GPC5: variants seen among roughly 807,000 people sequenced by gnomAD.
GPC5 encodes glypican-5.
In GPC5, 47 loss-of-function variants were observed where a neutral mutation model predicts 53.9. The ratio of observed to expected loss-of-function variants is 0.87; its 90% confidence interval spans 0.69 to 1.11. The LOEUF (loss-of-function observed/expected upper bound fraction) is 1.11. Among genes scored for constraint, GPC5 ranks in the 50% most tolerant of loss-of-function variants. GPC5 has a pLI of 0.00. For synonymous variants in GPC5, 286 were observed against 263.3 expected, an observed-to-expected ratio of 1.09 and a Z score of -0.84; for missense variants, 748 against 713.1, an observed-to-expected ratio of 1.05 and a Z score of -0.56.
intron 6 of GPC5, among the ~76,000 whole-genome samples, chr13:91,999,975 G>A (rs1388497702): frequency 6.6e-6 from 1 of 152,074 alleles, no homozygotes; most frequent in Non-Finnish European, 1.5e-5. Flanking sequence ...AGTTATTTTT[G>A]CTGAATTGAA....
chr13:91,476,435 T>C (rs1029661191), intron 2 of GPC5, among the ~76,000 whole-genome samples: 3 of 152,192 alleles, frequency 2.0e-5, no homozygotes, highest in African/African-American at 7.2e-5. Context: ...ATATCCTTCT[T>C]ACATGTGGTT....
chr13:92,524,693 T>G lies in GPC5; in HGVS notation c.1562-341589T>G, dbSNP rs140454279. On this transcript the variant is annotated intron_variant, in intron 7 of 7. Transcript: ENST00000377067. ...ATATCAGAAAAGCCAGACAGAAAGTTGTATATTGATTATTGTAGATTATCC... is the reference window on the plus strand; with the variant it reads ...ATATCAGAAAAGCCAGACAGAAAGTGGTATATTGATTATTGTAGATTATCC... Among the ~76,000 whole-genome samples the G allele has an allele frequency of 4.0e-3, 607 of 152,256 alleles. 7 individuals are homozygous for G. Among genetic ancestry groups the G allele is most frequent in the African/African-American group, 0.014 (591 of 41,574 alleles).
chr13:92,174,368 A>C (rs747126126), intron 7 of GPC5, among the ~76,000 whole-genome samples: 13,256 of 149,574 alleles, frequency 0.089, 1,356 homozygotes, highest in African/African-American at 0.24. Flanking sequence ...AAAAACACAA[A>C]AAAAAAAACA....
intron 2 of GPC5, among the ~76,000 whole-genome samples, chr13:91,572,545 G>A (rs563972303): frequency 1.3e-5 from 2 of 152,014 alleles, no homozygotes; most frequent in African/African-American, 4.8e-5. Flanking sequence ...GAGAGAGAGT[G>A]AGCAAGAGAG....
intron 2 of GPC5, among the ~76,000 whole-genome samples, chr13:91,482,346 TAC>T (rs1883350593): frequency 6.6e-6 from 1 of 152,156 alleles, no homozygotes; most frequent in South Asian, 2.1e-4. Context: ...GGCACCAACC[TAC>T]CAGTGCCTTG....
chr13:92,664,118 TTA>T (rs769200058), intron 7 of GPC5, among the ~76,000 whole-genome samples: 21 of 151,782 alleles, frequency 1.4e-4, no homozygotes, highest in Non-Finnish European at 2.9e-4. Context: ...ATGCCTTCAA[TTA>T]TAGAGTTGTA....
At chr13:92,121,069 C>T (rs1421524308) in intron 6 of GPC5, among the ~76,000 whole-genome samples, 2 of 152,224 alleles carry the variant, frequency 1.3e-5, no homozygotes, top group African/African-American at 2.4e-5. Context: ...CCCTCTCCTT[C>T]AACCACATAC....
At chr13:92,618,906 G>A (rs759270398) in intron 7 of GPC5, among the ~76,000 whole-genome samples, 5 of 151,836 alleles carry the variant, frequency 3.3e-5, no homozygotes, top group Non-Finnish European at 5.9e-5. Context: ...TAAAACAATT[G>A]AAGAATTTAT....
intron 6 of GPC5, among the ~76,000 whole-genome samples, chr13:92,089,724 TTAAC>T (rs1173047262): frequency 1.3e-5 from 2 of 152,164 alleles, no homozygotes; most frequent in South Asian, 2.1e-4. Flanking sequence ...AATTATTACT[TTAAC>T]TATTTAAGAT....
At chr13:92,825,060 A>T (rs1877799060) in intron 7 of GPC5, among the ~76,000 whole-genome samples, 1 of 151,434 alleles carries the variant, frequency 6.6e-6, no homozygotes, top group African/African-American at 2.4e-5. Flanking sequence ...TACTTGGGAC[A>T]CTAAAAAGTC....
chr13:92,273,810 T>C (rs1032668490), intron 7 of GPC5, among the ~76,000 whole-genome samples: 1 of 152,050 alleles, frequency 6.6e-6, no homozygotes, highest in Non-Finnish European at 1.5e-5. Context: ...ATTTAATCCA[T>C]AGGAAAATGA....
intron 2 of GPC5, among the ~76,000 whole-genome samples, chr13:91,511,119 T>A (rs1272901708): frequency 1.3e-5 from 2 of 152,198 alleles, no homozygotes; most frequent in African/African-American, 4.8e-5. Flanking sequence ...GTTAAATGAT[T>A]GTCTCAGAAG....
intron 2 of GPC5, among the ~76,000 whole-genome samples, chr13:91,590,763 C>G (rs1447816786): frequency 6.6e-6 from 1 of 152,104 alleles, no homozygotes; most frequent in Non-Finnish European, 1.5e-5. Flanking sequence ...TACTCATTCC[C>G]TCTTTTTCTT....
intron 7 of GPC5, among the ~76,000 whole-genome samples, chr13:92,347,874 A>AATATATAAT (rs1566549727): frequency 6.0e-4 from 4 of 6,646 alleles, no homozygotes; most frequent in African/African-American, 3.6e-3. Context: ...TTATATATAT[A>AATATATAAT]ATATATATTA....
At chr13:92,103,101 A>G (rs2041480083) in intron 6 of GPC5, among the ~76,000 whole-genome samples, 1 of 151,270 alleles carries the variant, frequency 6.6e-6, no homozygotes, top group Non-Finnish European at 1.5e-5. Context: ...GGCTCAAGTG[A>G]TCCTCTTGCC....
chr13:92,645,808 G>A (rs1181957419), intron 7 of GPC5, among the ~76,000 whole-genome samples: 4 of 151,738 alleles, frequency 2.6e-5, no homozygotes, highest in East Asian at 1.9e-4. Flanking sequence ...ATTTGTCATC[G>A]CTATCATTGG....
intron 2 of GPC5, among the ~76,000 whole-genome samples, chr13:91,576,972 CAT>C (rs1420123688): frequency 7.9e-5 from 12 of 152,074 alleles, no homozygotes; most frequent in African/African-American, 9.7e-5. Context: ...AAATACTTCA[CAT>C]GTTTTCCTTC....
At chr13:91,632,764 A>T (rs983456736) in intron 2 of GPC5, among the ~76,000 whole-genome samples, 21 of 152,098 alleles carry the variant, frequency 1.4e-4, no homozygotes, top group Non-Finnish European at 1.5e-5. Flanking sequence ...AAACAATCAA[A>T]AGCTGTTGAA....
intron 7 of GPC5, among the ~76,000 whole-genome samples, chr13:92,206,382 G>A (rs552750512): frequency 1.3e-5 from 2 of 150,848 alleles, no homozygotes; most frequent in Non-Finnish European, 3.0e-5. Flanking sequence ...AGCCAGGATG[G>A]TCTCGATCTC....
Sources: allele counts gnomAD v4.1 joint callset (sites outside exome capture counted in the v4.1 genomes callset), GRCh38; gene constraint gnomAD v4.1.1; transcripts MANE v1.5; gene names NCBI Gene and HGNC (gene_info 2026-07-23, HGNC 2026-07-21).